GOLGA4: variants seen among roughly 807,000 people sequenced by gnomAD.
GOLGA4 encodes the protein golgin A4.
In GOLGA4, 169 loss-of-function variants were observed where a neutral mutation model predicts 265.9. The ratio of observed to expected loss-of-function variants is 0.64; its 90% CI spans 0.56 to 0.72. The LOEUF (loss-of-function observed/expected upper bound fraction) is 0.72, where lower values mean the gene tolerates loss of function less well. Among genes scored for constraint, GOLGA4 ranks in the 30% least tolerant of loss-of-function variants. The pLI, the probability that GOLGA4 is intolerant of heterozygous loss-of-function variation, is 0.00. For missense variants in GOLGA4, 2,482 were observed against 2,483.4 expected (o/e 1.00, Z 0.01); for synonymous variants, 923 against 855.8 (o/e 1.08, Z -1.37).
At chr3:37,268,781 A>G (rs2096790361) in intron 2 of GOLGA4, among the ~76,000 whole-genome samples, 1 of 152,194 alleles carries the variant, frequency 6.6e-6, no homozygotes, top group African/African-American at 2.4e-5. Context: ...CATTTTGGCC[A>G]GGCTGGTCTG....
intron 1 of GOLGA4, among the ~76,000 whole-genome samples, chr3:37,246,756 A>G (rs2096720758): frequency 6.6e-6 from 1 of 152,214 alleles, no homozygotes; most frequent in Non-Finnish European, 1.5e-5. Context: ...AATGTTTAAA[A>G]TGGTAAATTT....
intron 2 of GOLGA4, chr3:37,273,655 C>T: frequency 1.1e-6 from 1 of 908,848 alleles, no homozygotes; most frequent in Non-Finnish European, 1.7e-6. Context: ...GAGTGTTGGT[C>T]AGTCTGTGTT....
At chr3:37,348,236 A>G (rs1429258482) in intron 21 of GOLGA4, among the ~76,000 whole-genome samples, 1 of 152,202 alleles carries the variant, frequency 6.6e-6, no homozygotes, top group African/African-American at 2.4e-5. Context: ...AAAGAATATG[A>G]TAAATGTATA....
At position 37,268,075 on chromosome 3, in the gene GOLGA4, T is replaced by TTTTA. The variant is rs147604366; in HGVS notation, c.163-13869_163-13866dup. Among the ~76,000 whole-genome samples, 3 of 152,122 alleles carry TTTTA rather than the reference T, an allele frequency of 2.0e-5. No homozygotes were observed. The South Asian group carries it at 6.2e-4, about 32-fold the overall frequency. ...CCAATTAGAGAGACTTGTTTACTGT[T>TTTTA]TTTATTTATTTATTTATATTTGTTT... On this transcript the variant is annotated intron_variant, in intron 2 of 23. Transcript: ENST00000361924.
chr3:37,267,886 AT>A (rs774765803), intron 2 of GOLGA4, among the ~76,000 whole-genome samples: 22 of 152,214 alleles, frequency 1.4e-4, no homozygotes, highest in Non-Finnish European at 3.1e-4. Flanking sequence ...GCAGTCTTAA[AT>A]TACATTGTAA....
Position 37,327,704 on chromosome 3 carries a change from C to T in GOLGA4, c.5818C>T (p.Gln1940Ter). The T allele has an allele frequency of 6.2e-7, 1 of 1,613,838 alleles. No individual in the cohort carries two copies. The highest frequency in any genetic ancestry group is 8.5e-7 in the Non-Finnish European group (1 of 1,179,852). The change falls in exon 14 of 24, where the codon CAG (glutamine) becomes TAG (stop). Residue 1940 changes from glutamine to a stop codon, truncating the protein, a stop_gained. Transcript: ENST00000361924. LOFTEE classifies it high-confidence loss of function. ...FKLAGAEREK[Q>*]KLGKEIVRLQ... ...ATTAGCCGGGGCAGAACGGGAGAAA[C>T]AGAAACTGGGCAAGGAGATTGTTAG... is the stretch of plus-strand genomic sequence containing the variant.
In GOLGA4 at chr3:37,331,837, T is replaced by A. The variant is rs372230719; in HGVS notation, c.6192+2744T>A. Reference sequence around the variant, plus strand: ...TGTGTCTCTAAACACCATACACATATATATTAATGTACCTATTTTGTCATT... The same window carrying A: ...TGTGTCTCTAAACACCATACACATAAATATTAATGTACCTATTTTGTCATT... On this transcript the variant is annotated intron_variant, in intron 16 of 23. Coordinates refer to ENST00000361924, the MANE Select transcript of GOLGA4 (RefSeq NM_002078.5). 4.9e-4 allele frequency among the ~76,000 whole-genome samples: 37 copies of A among 76,036 alleles called. No individual in the cohort carries two copies. In the Admixed American group the frequency reaches 5.1e-3, roughly 11 times the overall value. The allele number at this position is 76,036 out of a possible 152,430, so 49.9% of individuals were successfully genotyped here. A position where few individuals can be genotyped will look rare whatever the true frequency, so the allele number is the denominator to read the frequency against.
chr3:37,306,627 T>C lies in GOLGA4; in HGVS notation c.1234+4295T>C, dbSNP rs564952393. ...GAAAATAGAGAAAATCACATCACTGTTGTTTTAGTAAATTTCCATTTAGTG... is the reference window on the plus strand; with the variant it reads ...GAAAATAGAGAAAATCACATCACTGCTGTTTTAGTAAATTTCCATTTAGTG... On this transcript the variant is annotated intron_variant, in intron 10 of 23. Coordinates refer to ENST00000361924, the MANE Select transcript of GOLGA4 (RefSeq NM_002078.5). Among the ~76,000 whole-genome samples the C allele has an allele frequency of 2.0e-5, 3 of 152,080 alleles. No individual in the cohort carries two copies. The South Asian group carries it at 6.2e-4, about 32-fold the overall frequency.
At chr3:37,288,216 C>T (rs1373861239) in intron 4 of GOLGA4, among the ~76,000 whole-genome samples, 1 of 151,066 alleles carries the variant, frequency 6.6e-6, no homozygotes, top group Non-Finnish European at 1.5e-5. Flanking sequence ...ATTCTCCTGC[C>T]TCAGCCTCCT....
chr3:37,352,425 C>T (rs891327422), intron 21 of GOLGA4, among the ~76,000 whole-genome samples: 26 of 152,100 alleles, frequency 1.7e-4, no homozygotes, highest in Admixed American at 1.2e-3. Flanking sequence ...GGGGTAACTG[C>T]GCCCATGATT....
At chr3:37,315,318 T>A in intron 10 of GOLGA4, 102 bp from the exon 11 acceptor site, 2 of 931,190 alleles carry the variant, frequency 2.1e-6, no homozygotes, top group Non-Finnish European at 3.2e-6. Context: ...TTTTAACCTA[T>A]CCTGCTACTG....
At chr3:37,279,531 C>T (rs965334504) in intron 2 of GOLGA4, among the ~76,000 whole-genome samples, 9 of 152,232 alleles carry the variant, frequency 5.9e-5, no homozygotes, top group African/African-American at 2.2e-4. Context: ...CCACGTGGGG[C>T]CAAGACTCAT....
intron 12 of GOLGA4, 92 bp from the exon 13 acceptor site, chr3:37,321,639 G>C: frequency 1.7e-6 from 2 of 1,164,902 alleles, no homozygotes; most frequent in Non-Finnish European, 2.5e-6. Context: ...GCTGGGTGCA[G>C]ATCAAAAGAA....
intron 2 of GOLGA4, among the ~76,000 whole-genome samples, chr3:37,270,815 C>T (rs940789604): frequency 2.4e-4 from 36 of 151,976 alleles, no homozygotes; most frequent in Admixed American, 1.5e-3. Context: ...TGGGATGATT[C>T]GAGCGCATTA....
chr3:37,329,240 T>C (rs915409559), intron 16 of GOLGA4, 147 bp downstream of exon 16: 22 of 550,620 alleles, frequency 4.0e-5, no homozygotes, highest in Non-Finnish European at 6.7e-5. Flanking sequence ...AGTACTGTTA[T>C]ATGCAGATTT....
At chr3:37,362,704 A>G (rs536596784) in intron 23 of GOLGA4, among the ~76,000 whole-genome samples, 17 of 139,198 alleles carry the variant, frequency 1.2e-4, no homozygotes, top group African/African-American at 4.6e-4. Flanking sequence ...ATTTTATTTT[A>G]TTTTGTAGTG....
intron 5 of GOLGA4, among the ~76,000 whole-genome samples, chr3:37,289,600 C>G (rs994726749): frequency 9.2e-5 from 14 of 152,072 alleles, no homozygotes; most frequent in Non-Finnish European, 1.8e-4. Context: ...TTTGTTTTTC[C>G]TAACCCTAAG....
At chr3:37,249,347 CAT>C (rs1363286806) in intron 1 of GOLGA4, among the ~76,000 whole-genome samples, 1 of 152,148 alleles carries the variant, frequency 6.6e-6, no homozygotes, top group Non-Finnish European at 1.5e-5. Context: ...CTTTTAGTCA[CAT>C]ATTTTCTAGA....
intron 22 of GOLGA4, among the ~76,000 whole-genome samples, chr3:37,358,823 C>T (rs571849494): frequency 1.9e-4 from 29 of 152,240 alleles, no homozygotes; most frequent in East Asian, 5.8e-4. Flanking sequence ...TCTCCAACTT[C>T]GGTACCTTAG....
Sources: gnomAD v4.1 joint callset for allele counts (sites outside exome capture counted in the v4.1 genomes callset) on GRCh38, gnomAD v4.1.1 for gene constraint, MANE v1.5 for transcripts, NCBI Gene and HGNC (gene_info 2026-07-23, HGNC 2026-07-21) for gene names.